The following LSM12 variants were observed in gnomAD, a reference collection of about 807,000 sequenced individuals.
LSM12 encodes protein LSM12.
For missense variants in LSM12, 108 were observed against 238.9 expected (o/e 0.45, Z 3.61); for synonymous variants, 74 against 87.3 (o/e 0.85, Z 0.85).
intron 2 of LSM12, among the ~76,000 whole-genome samples, chr17:44,048,399 T>C (rs1314872455): frequency 6.6e-6 from 1 of 151,424 alleles, no homozygotes; most frequent in African/African-American, 2.4e-5. Context: ...GAGGAATTGC[T>C]TGAACCCGGG....
At chr17:44,037,597 T>C (rs1247682032) in intron 3 of LSM12, 59 bp from the exon 4 acceptor site, 1 of 1,515,550 alleles carries the variant, frequency 6.6e-7, no homozygotes, top group Non-Finnish European at 8.8e-7. Context: ...ACATCTCCTG[T>C]CTGATGAATA....
At chr17:44,064,732 CAAAAAAAA>C in intron 1 of LSM12, among the ~76,000 whole-genome samples, 1 of 63,540 alleles carries the variant, frequency 1.6e-5, no homozygotes, top group South Asian at 5.7e-4. Flanking sequence ...GACTCCGTCT[CAAAAAAAA>C]AAAAAAAAAA....
In LSM12 at chr17:44,040,412, C is replaced by A. The variant is rs553478194; in HGVS notation, c.259-156G>T. 3.1e-5 allele frequency: 18 copies of A among 584,144 alleles called. No homozygotes were observed. The African/African-American group carries it at 3.4e-4, about 11-fold the overall frequency. 36.2% of individuals were successfully genotyped at this position (584,144 alleles called of 1,614,324 possible). ...AAGTGAAACAAATTTTAAAAATCCACGACATACCTGAACAGTTACTGGTAT... is the reference window on the plus strand; with the variant it reads ...AAGTGAAACAAATTTTAAAAATCCAAGACATACCTGAACAGTTACTGGTAT... On this transcript the variant is annotated intron_variant, in intron 2 of 4. Coordinates refer to ENST00000293406, the MANE Select transcript of LSM12 (RefSeq NM_001371445.1).
At chr17:44,056,579 G>C (rs902341519) in intron 2 of LSM12, among the ~76,000 whole-genome samples, 1 of 151,950 alleles carries the variant, frequency 6.6e-6, no homozygotes, top group Non-Finnish European at 1.5e-5. Context: ...TGTGGTCCCA[G>C]CTACTCAGGA....
In LSM12 at chr17:44,041,399, G is replaced by A. The variant is rs368649640; in HGVS notation, c.259-1143C>T. 2.8e-4 allele frequency among the ~76,000 whole-genome samples: 42 copies of A among 151,412 alleles called. No homozygotes were observed. The South Asian group carries it at 7.5e-3, about 27-fold the overall frequency. On this transcript the variant is annotated intron_variant, in intron 2 of 4. Transcript: ENST00000293406. ...TTAAGATTTATCAGCTGTTGTGCTA[G>A]AGCCTCCAGTTTAAAAATTAATACA...
intron 2 of LSM12, among the ~76,000 whole-genome samples, chr17:44,062,074 T>C (rs1418056825): frequency 1.3e-5 from 2 of 151,892 alleles, no homozygotes; most frequent in Non-Finnish European, 2.9e-5. Flanking sequence ...ACAAAAAAGT[T>C]AGCCGGGCGT....
At chr17:44,066,371 G>T (rs1004807861) in intron 1 of LSM12, 93 bp downstream of exon 1, 19 of 1,463,344 alleles carry the variant, frequency 1.3e-5, no homozygotes, top group Non-Finnish European at 1.5e-5. Flanking sequence ...CCCTAGGCCC[G>T]GAGAGAGCCC....
At chr17:44,058,251 A>AAATAAT (rs202053481) in intron 2 of LSM12, among the ~76,000 whole-genome samples, 12 of 150,712 alleles carry the variant, frequency 8.0e-5, no homozygotes, top group African/African-American at 2.4e-4. Flanking sequence ...AAAAAATAAT[A>AAATAAT]AATAATAATA....
intron 3 of LSM12, 35 bp downstream of exon 3, chr17:44,040,112 C>T (rs1470699289): frequency 1.3e-6 from 2 of 1,526,764 alleles, no homozygotes; most frequent in Admixed American, 1.7e-5. Flanking sequence ...GGTAGCATTA[C>T]CCCAGGACAA....
intron 2 of LSM12, among the ~76,000 whole-genome samples, chr17:44,057,274 C>T (rs1160341187): frequency 6.7e-6 from 1 of 150,132 alleles, no homozygotes; most frequent in Non-Finnish European, 1.5e-5. Context: ...CTCAGCCTCC[C>T]AAGTAGCTGG....
chr17:44,063,660 C>G, intron 2 of LSM12, 141 bp downstream of exon 2: 1 of 1,020,454 alleles, frequency 9.8e-7, no homozygotes, highest in Non-Finnish European at 1.3e-6. Flanking sequence ...ACTAAACCTA[C>G]ATTTTTTAAA....
At position 44,041,284 on chromosome 17, in the gene LSM12, A is replaced by AAC. The variant is rs1567955769; in HGVS notation, c.259-1029_259-1028insGT. On this transcript the variant is annotated intron_variant, in intron 2 of 4. Coordinates refer to ENST00000293406, the MANE Select transcript of LSM12 (RefSeq NM_001371445.1). ...AGACTCTGTCTCTTTAAAAAAAAAA[A>AAC]AAACAAACACACACACACACACACA... Among the ~76,000 whole-genome samples the AAC allele has an allele frequency of 3.2e-4, 39 of 123,242 alleles. 1 individual carries two copies. The highest frequency in any genetic ancestry group is 5.6e-4 in the Non-Finnish European group (34 of 60,954). 80.9% of individuals were successfully genotyped at this position (123,242 alleles called of 152,430 possible). A position where few individuals can be genotyped will look rare whatever the true frequency, so the allele number is the denominator to read the frequency against.
At chr17:44,060,011 A>G (rs2049775129) in intron 2 of LSM12, among the ~76,000 whole-genome samples, 1 of 152,032 alleles carries the variant, frequency 6.6e-6, no homozygotes. Context: ...AAAAATACAA[A>G]AAAATTAGCC....
At chr17:44,057,232 C>T (rs2049727959) in intron 2 of LSM12, among the ~76,000 whole-genome samples, 1 of 149,862 alleles carries the variant, frequency 6.7e-6, no homozygotes, top group Non-Finnish European at 1.5e-5. Context: ...TCACTGCAAG[C>T]TCCGCCTCCT....
intron 2 of LSM12, among the ~76,000 whole-genome samples, chr17:44,061,317 CAAAAA>C (rs11306333): frequency 1.0e-5 from 1 of 96,058 alleles, no homozygotes; most frequent in African/African-American, 3.8e-5. Context: ...AACTCCATCT[CAAAAA>C]AAAAAAAAAA....
At chr17:44,049,676 T>C (rs1478695257) in intron 2 of LSM12, among the ~76,000 whole-genome samples, 6 of 152,242 alleles carry the variant, frequency 3.9e-5, no homozygotes, top group African/African-American at 1.2e-4. Context: ...CCAAGCAATA[T>C]GCACTTCATC....
At chr17:44,054,335 A>G (rs556610389) in intron 2 of LSM12, among the ~76,000 whole-genome samples, 38 of 152,286 alleles carry the variant, frequency 2.5e-4, no homozygotes, top group African/African-American at 8.7e-4. Context: ...GTTTTTAGAC[A>G]GGGTCTCACT....
intron 2 of LSM12, among the ~76,000 whole-genome samples, chr17:44,054,192 G>C (rs2049681229): frequency 6.6e-6 from 1 of 152,196 alleles, no homozygotes; most frequent in Non-Finnish European, 1.5e-5. Flanking sequence ...AGACTGCCAT[G>C]CACTATAACC....
upstream of LSM12, chr17:44,066,811 G>T (rs1021738467): frequency 4.8e-6 from 2 of 414,998 alleles, no homozygotes; most frequent in Non-Finnish European, 7.6e-6. Flanking sequence ...TCGGTTAAGT[G>T]CTTGTAGAGT....
Sources: allele counts gnomAD v4.1 joint callset (sites outside exome capture counted in the v4.1 genomes callset), GRCh38; gene constraint gnomAD v4.1.1; transcripts MANE v1.5; gene names NCBI Gene and HGNC (gene_info 2026-07-23, HGNC 2026-07-21).